Variants in MBD5 observed in about 807,000 individuals in gnomAD.
MBD5 encodes methyl-CpG-binding domain protein 5.
A neutral mutation model predicts 117.3 loss-of-function variants in MBD5; 13 were observed. The ratio of observed to expected loss-of-function variants is 0.11; its 90% CI spans 0.07 to 0.18. MBD5 has a LOEUF of 0.18. Ranked by LOEUF, MBD5 falls within the 10% of genes least tolerant of loss-of-function variation. The pLI is 1.00. For missense variants in MBD5, 1,879 were observed against 2,093.8 expected (o/e 0.90, Z 2.00); for synonymous variants, 727 against 766.4 (o/e 0.95, Z 0.85).
chr2:148,437,174 G>A (rs1283819303), intron 4 of MBD5, among the ~76,000 whole-genome samples: 3 of 151,816 alleles, frequency 2.0e-5, no homozygotes, highest in African/African-American at 4.8e-5. Flanking sequence ...GTAGAGATGG[G>A]GTTTCACCAT....
intron 2 of MBD5, among the ~76,000 whole-genome samples, chr2:148,222,143 G>A (rs978469592): frequency 1.3e-5 from 2 of 152,116 alleles, no homozygotes; most frequent in African/African-American, 2.4e-5. Flanking sequence ...TCAGTGCCAT[G>A]CTGTTTTGAT....
At chr2:148,240,025 A>G (rs901090804) in intron 3 of MBD5, among the ~76,000 whole-genome samples, 2 of 152,218 alleles carry the variant, frequency 1.3e-5, no homozygotes, top group Non-Finnish European at 2.9e-5. Context: ...TCAAATGTCC[A>G]TCAGTGATAG....
chr2:148,111,233 G>C (rs533866053), intron 1 of MBD5, among the ~76,000 whole-genome samples: 1 of 152,294 alleles, frequency 6.6e-6, no homozygotes, highest in South Asian at 2.1e-4. Context: ...AAATTTCACA[G>C]CACCAATAAA....
intron 1 of MBD5, among the ~76,000 whole-genome samples, chr2:148,098,980 G>A (rs1406503460): frequency 2.0e-5 from 3 of 152,120 alleles, no homozygotes; most frequent in African/African-American, 4.8e-5. Flanking sequence ...GTTTGAGCCC[G>A]AGAGGTCGAG....
At chr2:148,057,194 T>A (rs1268231850) in intron 1 of MBD5, among the ~76,000 whole-genome samples, 4 of 151,928 alleles carry the variant, frequency 2.6e-5, no homozygotes, top group African/African-American at 9.6e-5. Flanking sequence ...TTGTGTGCTA[T>A]TTACTATTCC....
At chr2:148,265,421 T>A (rs879407961) in intron 3 of MBD5, among the ~76,000 whole-genome samples, 3 of 152,194 alleles carry the variant, frequency 2.0e-5, no homozygotes, top group Non-Finnish European at 4.4e-5. Context: ...CATCTTTCTA[T>A]GGCAATTTTA....
chr2:148,375,183 A>T (rs1167388488), intron 4 of MBD5, among the ~76,000 whole-genome samples: 1 of 152,234 alleles, frequency 6.6e-6, no homozygotes, highest in Non-Finnish European at 1.5e-5. Flanking sequence ...CTGAATCTTC[A>T]GTAACTTTAT....
At chr2:148,049,130 G>A (rs1001117188) in intron 1 of MBD5, among the ~76,000 whole-genome samples, 4 of 152,164 alleles carry the variant, frequency 2.6e-5, no homozygotes, top group Non-Finnish European at 5.9e-5. Context: ...ACATGTGATG[G>A]ATTGACTGGA....
chr2:148,436,064 A>C (rs985986422), intron 4 of MBD5, among the ~76,000 whole-genome samples: 4 of 152,180 alleles, frequency 2.6e-5, no homozygotes, highest in African/African-American at 9.6e-5. Flanking sequence ...ATGAAATTGC[A>C]TTTGTAAGTT....
intron 1 of MBD5, among the ~76,000 whole-genome samples, chr2:148,052,500 A>G (rs1354012368): frequency 2.0e-5 from 3 of 152,036 alleles, no homozygotes; most frequent in South Asian, 2.1e-4. Context: ...CTGAGACACC[A>G]TGCCCAGCAG....
At chr2:148,479,466 G>T (rs1681076137) in intron 8 of MBD5, among the ~76,000 whole-genome samples, 1 of 152,034 alleles carries the variant, frequency 6.6e-6, no homozygotes, top group South Asian at 2.1e-4. Context: ...AATATTTTTT[G>T]AATACCGATC....
At chr2:148,386,541 A>T (rs1207157577) in intron 4 of MBD5, among the ~76,000 whole-genome samples, 1 of 151,176 alleles carries the variant, frequency 6.6e-6, no homozygotes, top group African/African-American at 2.4e-5. Flanking sequence ...AAACGGTGAA[A>T]CCCCGTCTCT....
intron 2 of MBD5, among the ~76,000 whole-genome samples, chr2:148,206,142 G>A (rs889973378): frequency 1.3e-5 from 2 of 148,782 alleles, no homozygotes; most frequent in East Asian, 3.9e-4. Flanking sequence ...AAAAAATAGA[G>A]AGACACACAC....
At chr2:148,333,273 A>C (rs1702706572) in intron 3 of MBD5, among the ~76,000 whole-genome samples, 1 of 152,146 alleles carries the variant, frequency 6.6e-6, no homozygotes, top group Non-Finnish European at 1.5e-5. Context: ...AAAAATGTGG[A>C]TACCTCGATA....
At chr2:148,346,334 A>G (rs1703123648) in intron 4 of MBD5, 1 of 152,058 alleles carries the variant, frequency 6.6e-6, no homozygotes, top group South Asian at 2.1e-4. Context: ...ATCTGTCAAT[A>G]TCCCACTACA....
chr2:148,414,397 T>C (rs1457159206), intron 4 of MBD5, among the ~76,000 whole-genome samples: 1 of 152,216 alleles, frequency 6.6e-6, no homozygotes, highest in Non-Finnish European at 1.5e-5. Flanking sequence ...CAGTCAGTTT[T>C]AGAGTTTGTG....
chr2:148,154,170 A>C (rs1331241060), intron 1 of MBD5, among the ~76,000 whole-genome samples: 11 of 147,370 alleles, frequency 7.5e-5, no homozygotes, highest in Non-Finnish European at 1.2e-4. Context: ...CAGGACCCTC[A>C]GCTGCAGGTC....
chr2:148,505,113 A>C (rs962917186), intron 12 of MBD5, among the ~76,000 whole-genome samples: 5 of 152,206 alleles, frequency 3.3e-5, no homozygotes, highest in African/African-American at 1.2e-4. Flanking sequence ...AGAAATACTT[A>C]GGAGGTAAAA....
chr2:148,202,642 T>C (rs955512305), intron 2 of MBD5, among the ~76,000 whole-genome samples: 1 of 152,224 alleles, frequency 6.6e-6, no homozygotes, highest in African/African-American at 2.4e-5. Flanking sequence ...CACTTGGGAT[T>C]GATGTGATTT....
Sources: gnomAD v4.1 joint callset for allele counts (sites outside exome capture counted in the v4.1 genomes callset) on GRCh38, gnomAD v4.1.1 for gene constraint, MANE v1.5 for transcripts, NCBI Gene and HGNC (gene_info 2026-07-23, HGNC 2026-07-21) for gene names.